The following LRRC45 variants were observed in gnomAD, a reference collection of about 807,000 sequenced individuals.
LRRC45 encodes leucine rich repeat containing 45.
LRRC45 carries 73 observed loss-of-function variants against 85.4 expected under a neutral mutation model. The ratio of observed to expected loss-of-function variants is 0.85; its 90% CI spans 0.71 to 1.04. The LOEUF is 1.04. Among genes scored for constraint, LRRC45 ranks in the 50% least tolerant of loss-of-function variants. LRRC45 has a pLI of 0.00. For missense variants in LRRC45, 937 were observed against 883.3 expected (o/e 1.06, Z -0.77); for synonymous variants, 429 against 386.0 (o/e 1.11, Z -1.31).
At chr17:82,027,546 G>C in intron 7 of LRRC45, 102 bp downstream of exon 7, 2 of 1,556,536 alleles carry the variant, frequency 1.3e-6, no homozygotes, top group South Asian at 2.2e-5. Context: ...GCCACGAGGA[G>C]GTCGCTGGAG....
At position 82,024,270 on chromosome 17, in the gene LRRC45, T is replaced by G; in HGVS notation, c.221-8T>G. On this transcript the variant is annotated splice_region_variant and splice_polypyrimidine_tract_variant and intron_variant, in intron 1 of 16. Coordinates refer to ENST00000306688, the MANE Select transcript of LRRC45 (RefSeq NM_144999.4). Reference sequence around the variant, plus strand: ...GGCAGAGAGTGACCGCCGGCCCCCCTTACACAGGGGCCACACTGCTGCTCC... The same window carrying G: ...GGCAGAGAGTGACCGCCGGCCCCCCGTACACAGGGGCCACACTGCTGCTCC... 6.2e-7 allele frequency: 1 copy of G among 1,611,534 alleles called. No homozygotes were observed. Among genetic ancestry groups the G allele is most frequent in the Non-Finnish European group, 8.5e-7 (1 of 1,179,860 alleles).
At chr17:82,028,566 G>A in intron 11 of LRRC45, 47 bp from the exon 12 acceptor site, 1 of 1,611,800 alleles carries the variant, frequency 6.2e-7, no homozygotes, top group South Asian at 1.1e-5. Flanking sequence ...GGGGACGGGG[G>A]CCCCCAGGGG....
rs1598457514 is a variant in LRRC45, at chr17:82,030,788, C to G, written c.1996C>G (p.Leu666Val). 13 of 1,386,090 alleles carry G rather than the reference C, an allele frequency of 9.4e-6. No individual in the cohort carries two copies. The East Asian group carries it at 3.5e-4, about 38-fold the overall frequency. The allele number at this position is 1,386,090 out of a possible 1,614,324, so 85.9% of individuals were successfully genotyped here. ...AYVQASPVRT[L>V]SPPK Reference sequence around the variant, plus strand: ...CGTGCAGGCGTCCCCCGTGAGGACCCTGAGCCCCCCAAAGTGAGACAGGCC... The same window carrying G: ...CGTGCAGGCGTCCCCCGTGAGGACCGTGAGCCCCCCAAAGTGAGACAGGCC... The change falls in exon 17 of 17, where the codon CTG (leucine) becomes GTG (valine). Residue 666 changes from leucine to valine, a missense_variant. By Grantham distance (32) the Leu-to-Val change is conservative. Coordinates refer to ENST00000306688, the MANE Select transcript of LRRC45 (RefSeq NM_144999.4).
At position 82,029,587 on chromosome 17, in the gene LRRC45, G is replaced by A. The variant is rs1225408416; in HGVS notation, c.1446G>A (p.Gln482=). 2.5e-6 allele frequency: 4 copies of A among 1,581,764 alleles called. No homozygotes were observed. Among genetic ancestry groups the A allele is most frequent in the Non-Finnish European group, 3.4e-6 (4 of 1,165,360 alleles). The change falls in exon 14 of 17, where the codon CAG becomes CAA. Residue 482 remains glutamine (Q), a synonymous_variant. Transcript: ENST00000306688. ...VKAAALSERG[Q]AEEELIKAKS... is the part of the protein sequence containing the mutation. ...CAGCGGCACTCAGCGAGCGTGGCCA[G>A]GCTGAGGAGGAGCTGATCAAGGCCA...
intron 2 of LRRC45, 51 bp downstream of exon 2, chr17:82,024,390 G>A (rs1300599743): frequency 1.2e-5 from 20 of 1,604,736 alleles, no homozygotes; most frequent in Admixed American, 1.7e-5. Context: ...AAGGGCAAGA[G>A]GAGAGGTGGA....
In LRRC45 at chr17:82,026,948, C is replaced by T. The variant is rs1301633006; in HGVS notation, c.711C>T (p.Asn237=). 1 of 1,608,722 alleles carries T rather than the reference C, an allele frequency of 6.2e-7. No homozygotes were observed. Among genetic ancestry groups the T allele is most frequent in the Non-Finnish European group, 8.5e-7 (1 of 1,179,062 alleles). ...ACCGGCTCACCACCTTCCAGGAGAA[C>T]CAAGCCCGCACTCACGTCCTCAGCA... The part of the protein sequence containing the change: ...SQDRLTTFQE[N]QARTHVLSKE... The change falls in exon 6 of 17, where the codon AAC becomes AAT. Residue 237 remains asparagine (N), a synonymous_variant. Coordinates refer to ENST00000306688, the MANE Select transcript of LRRC45 (RefSeq NM_144999.4).
Position 82,028,637 on chromosome 17 carries a change from G to A in LRRC45, c.1262G>A (p.Arg421Lys), listed in dbSNP as rs1386994607. ...GAGCGCCTGGACATGGAGAAGAGAA[G>A]ATGCAGACAGAGCCTGGAGGACTCC... ...AEERLDMEKR[R>K]CRQSLEDSES... The change falls in exon 12 of 17, where the codon AGA becomes AAA. Residue 421 changes from arginine to lysine, a missense_variant. Transcript: ENST00000306688. 12 of 1,612,934 alleles carry A rather than the reference G, an allele frequency of 7.4e-6. No homozygotes were observed. Among genetic ancestry groups the A allele is most frequent in the Non-Finnish European group, 9.3e-6 (11 of 1,179,944 alleles).
intron 2 of LRRC45, 73 bp from the exon 3 acceptor site, chr17:82,024,620 G>T: frequency 9.4e-6 from 14 of 1,494,730 alleles, no homozygotes; most frequent in Non-Finnish European, 1.3e-5. Flanking sequence ...GCTGACCAAG[G>T]CCCTTGGGGC....
At position 82,027,617 on chromosome 17, in the gene LRRC45, G is replaced by A. The variant is rs1598455349; in HGVS notation, c.834-57G>A. 1.6e-5 allele frequency: 25 copies of A among 1,572,858 alleles called. No homozygotes were observed. In the East Asian group the frequency reaches 3.6e-4, roughly 23 times the overall value. ...CAGCAGCAGCTACCGAGGCCAGAGG[G>A]GTATGGGAGCGCTCTGGGGTTTGGG... On this transcript the variant is annotated intron_variant, in intron 7 of 16. Transcript: ENST00000306688.
Position 82,027,023 on chromosome 17 carries a change from G to A in LRRC45, c.774+12G>A, listed in dbSNP as rs747922120. On this transcript the variant is annotated intron_variant, in intron 6 of 16. Transcript: ENST00000306688. The stretch of plus-strand genomic sequence containing the variant: ...AGAAGTCCAAGCAGGTGAGGATGGC[G>A]CCTTCACTGACCTTGGAGCTGCTTA... 6 of 1,575,086 alleles carry A rather than the reference G, an allele frequency of 3.8e-6. No individual in the cohort carries two copies. Among genetic ancestry groups the A allele is most frequent in the Non-Finnish European group, 4.3e-6 (5 of 1,162,478 alleles).
chr17:82,029,190 G>A lies in LRRC45; in HGVS notation c.1401+5G>A, dbSNP rs778149495. 1 of 1,608,900 alleles carries A rather than the reference G, an allele frequency of 6.2e-7. No individual in the cohort carries two copies. The highest frequency in any genetic ancestry group is 1.1e-5 in the South Asian group (1 of 90,220). On this transcript the variant is annotated splice_donor_5th_base_variant and intron_variant, in intron 13 of 16. Coordinates refer to ENST00000306688, the MANE Select transcript of LRRC45 (RefSeq NM_144999.4). ...GCGCGGCTGTCCCTGGAGGAGGTGA[G>A]TGCCCACCAGGCAGGGCCAAGCTCT...
chr17:82,023,768 T>G lies in LRRC45; in HGVS notation c.125T>G (p.Leu42Arg). 6.4e-7 allele frequency: 1 copy of G among 1,561,510 alleles called. No homozygotes were observed. Among genetic ancestry groups the G allele is most frequent in the Non-Finnish European group, 8.7e-7 (1 of 1,156,052 alleles). Residue 42 changes from leucine to arginine, a missense_variant, in exon 1 of 17, where the codon CTG becomes CGG. Transcript: ENST00000306688. Reference protein sequence around the residue: ...RGRLDLATQSLTVETCRALGK... With the variant: ...RGRLDLATQSRTVETCRALGK... Reference sequence around the variant, plus strand: ...CGGCTGGACCTGGCCACGCAAAGCCTGACGGTGGAGACCTGCAGGGCCCTG... The same window carrying G: ...CGGCTGGACCTGGCCACGCAAAGCCGGACGGTGGAGACCTGCAGGGCCCTG...
At chr17:82,025,259 G>A in intron 4 of LRRC45, 81 bp downstream of exon 4, 1 of 1,531,022 alleles carries the variant, frequency 6.5e-7, no homozygotes. Context: ...CTAGGGGACT[G>A]GCCTGTGCTC....
At chr17:82,024,960 C>T in intron 3 of LRRC45, 40 bp from the exon 4 acceptor site, 1 of 1,504,492 alleles carries the variant, frequency 6.6e-7, no homozygotes, top group Non-Finnish European at 8.9e-7. Flanking sequence ...ACGGGCTAGG[C>T]AGTCCCCTAG....
At position 82,030,131 on chromosome 17, in the gene LRRC45, G is replaced by A; in HGVS notation, c.1561G>A (p.Gly521Ser). The change falls in exon 15 of 17, where the codon GGC (glycine) becomes AGC (serine). Residue 521 changes from glycine to serine, a missense_variant. Gly to Ser is a moderately conservative substitution (Grantham distance 56). Coordinates refer to ENST00000306688, the MANE Select transcript of LRRC45 (RefSeq NM_144999.4). ...LLAQARDEAQ[G>S]ACLQQKQVVA... Reference sequence around the variant, plus strand: ...GGCGCAGGCACGGGACGAGGCGCAGGGCGCTTGCCTACAGCAGAAGCAGGT... The same window carrying A: ...GGCGCAGGCACGGGACGAGGCGCAGAGCGCTTGCCTACAGCAGAAGCAGGT... The A allele has an allele frequency of 6.5e-7, 1 of 1,547,992 alleles. No homozygotes were observed. The highest frequency in any genetic ancestry group is 8.7e-7 in the Non-Finnish European group (1 of 1,146,918).
rs1029518354 is a variant in LRRC45, at chr17:82,023,433, C to G, written c.-211C>G. On this transcript the variant is annotated 5_prime_UTR_variant, in exon 1 of 17. Coordinates refer to ENST00000306688, the MANE Select transcript of LRRC45 (RefSeq NM_144999.4). ...TTCCTGCACGGGTGGTCCCCAAGCA[C>G]TGCGGGGCCCCAGCCCAAAGCGGAC... 1 of 554,796 alleles carries G rather than the reference C, an allele frequency of 1.8e-6. No individual in the cohort carries two copies. Among genetic ancestry groups the G allele is most frequent in the Non-Finnish European group, 3.1e-6 (1 of 318,034 alleles). 34.4% of individuals were successfully genotyped at this position (554,796 alleles called of 1,614,324 possible).
rs1484116229 is a variant in LRRC45 at position 82,025,431 on chromosome 17, T to C, written c.585T>C (p.Cys195=). 1 of 1,607,788 alleles carries C rather than the reference T, an allele frequency of 6.2e-7. No individual in the cohort carries two copies. The part of the protein sequence containing the change: ...GLLGGRALMN[C]LPSNRTLWRL... Reference sequence around the variant, plus strand: ...TGGGGGGCCGGGCCCTCATGAACTGTCTCCCCAGCAACAGAACCCTGTGGA... The same window carrying C: ...TGGGGGGCCGGGCCCTCATGAACTGCCTCCCCAGCAACAGAACCCTGTGGA... Residue 195 remains cysteine (C), a synonymous_variant, in exon 5 of 17, where the codon TGT becomes TGC. Transcript: ENST00000306688.
rs1265619207 is a variant in LRRC45 at position 82,027,870 on chromosome 17, G to A, written c.911+119G>A. 5 of 1,508,020 alleles carry A rather than the reference G, an allele frequency of 3.3e-6. No individual in the cohort carries two copies. In the African/African-American group the frequency reaches 5.5e-5, roughly 17 times the overall value. 93.4% of individuals were successfully genotyped at this position (1,508,020 alleles called of 1,614,324 possible). On this transcript the variant is annotated intron_variant, in intron 8 of 16. Coordinates refer to ENST00000306688, the MANE Select transcript of LRRC45 (RefSeq NM_144999.4). Reference sequence around the variant, plus strand: ...AGAGGTGGGAAATGGTGAGGCTGGGGCAGTAACCCAGAAGCCTTCCTGGAG... The same window carrying A: ...AGAGGTGGGAAATGGTGAGGCTGGGACAGTAACCCAGAAGCCTTCCTGGAG...
rs200279065 is a variant in LRRC45, at chr17:82,029,176, C to T, written c.1392C>T (p.Ser464=). The T allele has an allele frequency of 1.6e-4, 265 of 1,610,486 alleles. 2 individuals carry two copies. In the South Asian group the frequency reaches 2.1e-3, roughly 13 times the overall value. The part of the protein sequence containing the change: ...RVQRLEAARL[S]LEEELSRVKA... ...AGAGGCTGGAGGCGGCGCGGCTGTC[C>T]CTGGAGGAGGTGAGTGCCCACCAGG... Residue 464 remains serine, a synonymous_variant, in exon 13 of 17, where the codon TCC becomes TCT. Transcript: ENST00000306688.
Sources: allele counts gnomAD v4.1 joint callset, GRCh38; gene constraint gnomAD v4.1.1; transcripts MANE v1.5; gene names NCBI Gene and HGNC (gene_info 2026-07-23, HGNC 2026-07-21).